The following PRKDC variants were observed in gnomAD, a reference collection of about 807,000 sequenced individuals.
PRKDC encodes protein kinase, DNA-activated, catalytic subunit, also known as DNA-dependent protein kinase catalytic subunit.
In PRKDC, 82 loss-of-function variants were observed where a neutral mutation model predicts 486.9. The observed-to-expected ratio is 0.17, with a 90% CI of 0.14 to 0.20. PRKDC has a LOEUF of 0.20. Among genes scored for constraint, PRKDC ranks in the 10% least tolerant of loss-of-function variants. The pLI is 1.00. For synonymous variants in PRKDC, 1,895 were observed against 1,837.0 expected (o/e 1.03, Z -0.81); for missense variants, 4,504 against 5,038.2 (o/e 0.89, Z 3.21).
chr8:47,947,196 T>G (rs2090548407), intron 7 of PRKDC, among the ~76,000 whole-genome samples: 1 of 152,144 alleles, frequency 6.6e-6, no homozygotes, highest in African/African-American at 2.4e-5. Flanking sequence ...CTGGAATGAC[T>G]GCTCTTCCCA....
intron 24 of PRKDC, among the ~76,000 whole-genome samples, 157 bp from the exon 25 acceptor site, chr8:47,912,719 GT>G (rs1451407154): frequency 6.6e-6 from 1 of 152,110 alleles, no homozygotes; most frequent in African/African-American, 2.4e-5. Context: ...AACATTTCTT[GT>G]TCTATAAAAC....
At chr8:47,863,309 ATATT>A in intron 42 of PRKDC, 86 bp downstream of exon 42, 1 of 1,092,944 alleles carries the variant, frequency 9.1e-7, no homozygotes, top group South Asian at 1.7e-5. Flanking sequence ...TCTAAATAAA[ATATT>A]TATTCACACT....
intron 63 of PRKDC, among the ~76,000 whole-genome samples, chr8:47,825,898 G>C (rs2087728827): frequency 6.6e-6 from 1 of 152,102 alleles, no homozygotes; most frequent in African/African-American, 2.4e-5. Flanking sequence ...TTTCCTACTA[G>C]ATTGCTAGTT....
In PRKDC at chr8:47,817,575, T is replaced by C. The variant is rs897539933; in HGVS notation, c.9446-14A>G. Reference sequence around the variant, plus strand: ...ATGATAAATTGCCTAAAAATAGTATTAGAGGGTGACTATACACACAGCTCA... The same window carrying C: ...ATGATAAATTGCCTAAAAATAGTATCAGAGGGTGACTATACACACAGCTCA... On this transcript the variant is annotated splice_polypyrimidine_tract_variant and intron_variant, in intron 67 of 85. Transcript: ENST00000314191. 9 of 1,488,298 alleles carry C rather than the reference T, an allele frequency of 6.0e-6. No individual in the cohort carries two copies. In the African/African-American group the frequency reaches 9.7e-5, roughly 16 times the overall value. 92.2% of individuals were successfully genotyped at this position (1,488,298 alleles called of 1,614,324 possible).
At chr8:47,806,482 C>A (rs964773809) in intron 69 of PRKDC, among the ~76,000 whole-genome samples, 1 of 152,160 alleles carries the variant, frequency 6.6e-6, no homozygotes, top group African/African-American at 2.4e-5. Flanking sequence ...TATAAATGAG[C>A]ATTTAAAGCT....
chr8:47,836,163 C>T (rs1200131002), intron 58 of PRKDC, among the ~76,000 whole-genome samples, 175 bp downstream of exon 58: 1 of 152,220 alleles, frequency 6.6e-6, no homozygotes, highest in Non-Finnish European at 1.5e-5. Flanking sequence ...TTTCTGTTTC[C>T]ATGAGTTTGA....
intron 48 of PRKDC, 133 bp from the exon 49 acceptor site, chr8:47,857,432 G>T: frequency 2.1e-6 from 2 of 971,852 alleles, no homozygotes; most frequent in Non-Finnish European, 2.9e-6. Flanking sequence ...AGGTAAGCAC[G>T]TTAAAGTGAA....
At chr8:47,937,457 C>A (rs1333817820) in intron 11 of PRKDC, among the ~76,000 whole-genome samples, 1 of 152,174 alleles carries the variant, frequency 6.6e-6, no homozygotes, top group Non-Finnish European at 1.5e-5. Context: ...ACAGGAGAGG[C>A]CAGGAGTCCA....
At chr8:47,949,807 A>T (rs2090598205) in intron 7 of PRKDC, among the ~76,000 whole-genome samples, 1 of 152,182 alleles carries the variant, frequency 6.6e-6, no homozygotes, top group Non-Finnish European at 1.5e-5. Context: ...GGGCTACTCT[A>T]ACAATCTTGA....
chr8:47,924,420 C>T (rs937247330), intron 21 of PRKDC, among the ~76,000 whole-genome samples: 11 of 151,990 alleles, frequency 7.2e-5, no homozygotes, highest in Admixed American at 3.3e-4. Flanking sequence ...ATTAGCTGGG[C>T]GTGGTGGTGC....
intron 48 of PRKDC, among the ~76,000 whole-genome samples, chr8:47,858,011 C>A (rs756752074): frequency 2.0e-5 from 3 of 152,130 alleles, no homozygotes; most frequent in Non-Finnish European, 4.4e-5. Flanking sequence ...CAGGGACCAC[C>A]CGTGCTATGC....
Position 47,863,378 on chromosome 8 carries a change from CA to C in PRKDC, c.5750+20del, listed in dbSNP as rs758102208. The C allele has an allele frequency of 2.6e-6, 4 of 1,557,846 alleles. No individual in the cohort carries two copies. The highest frequency in any genetic ancestry group is 1.4e-5 in the African/African-American group (1 of 72,706). The stretch of plus-strand genomic sequence containing the variant: ...AAGCATTGATAAATAAAATAGAATC[CA>C]AAATTAAGTAAAATCTTACTTAATC... On this transcript the variant is annotated intron_variant, in intron 42 of 85. Coordinates refer to ENST00000314191, the MANE Select transcript of PRKDC (RefSeq NM_006904.7).
At chr8:47,809,616 T>A (rs987522102) in intron 68 of PRKDC, among the ~76,000 whole-genome samples, 14 of 152,132 alleles carry the variant, frequency 9.2e-5, no homozygotes, top group African/African-American at 3.4e-4. Context: ...CTGCGTGACA[T>A]GTTCTCACAT....
rs1357922896 is a variant in PRKDC at position 47,955,010 on chromosome 8, C to T, written c.400-564G>A. 2.0e-5 allele frequency among the ~76,000 whole-genome samples: 3 copies of T among 151,528 alleles called. No individual in the cohort carries two copies. In the East Asian group the frequency reaches 5.8e-4, roughly 29 times the overall value. On this transcript the variant is annotated intron_variant, in intron 4 of 85. Transcript: ENST00000314191. ...CTCTACTAAAAATACAAAAATTAGC[C>T]AGGCATGGTGGCACATGCCTGTAAT...
chr8:47,935,148 G>A lies in PRKDC; in HGVS notation c.1448-90C>T, dbSNP rs2090327020. ...AAAAAACAAACAGTCATTATATTTT[G>A]GAACCCAACTTTACCTCTCAATTTA... On this transcript the variant is annotated intron_variant, in intron 13 of 85. Coordinates refer to ENST00000314191, the MANE Select transcript of PRKDC (RefSeq NM_006904.7). The A allele has an allele frequency of 1.1e-5, 10 of 919,384 alleles. No homozygotes were observed. In the South Asian group the frequency reaches 1.4e-4, roughly 13 times the overall value. The allele number at this position is 919,384 out of a possible 1,614,324, so 57.0% of individuals were successfully genotyped here.
In PRKDC at chr8:47,834,685, A is replaced by ACTT. The variant is rs200754946; in HGVS notation, c.7952-292_7952-290dup. ...TACTGAAAGGTGCTAAGAACCCCTG[A>ACTT]CTTTTTTTTTTTTTTTTTTTTTTGA... On this transcript the variant is annotated intron_variant, in intron 58 of 85. Coordinates refer to ENST00000314191, the MANE Select transcript of PRKDC (RefSeq NM_006904.7). Among the ~76,000 whole-genome samples, 25,394 of 133,468 alleles carry ACTT rather than the reference A, an allele frequency of 0.19. 4,993 individuals carry two copies. The highest frequency in any genetic ancestry group is 0.51 in the African/African-American group (16,800 of 32,792). 87.6% of individuals were successfully genotyped at this position (133,468 alleles called of 152,430 possible). A position where few individuals can be genotyped will look rare whatever the true frequency, so the allele number is the denominator to read the frequency against.
At chr8:47,895,551 T>C (rs1487238722) in intron 30 of PRKDC, among the ~76,000 whole-genome samples, 1 of 152,174 alleles carries the variant, frequency 6.6e-6, no homozygotes. Flanking sequence ...TGTGAGATAG[T>C]GGTCTGCCCA....
At chr8:47,917,228 C>G (rs1169130081) in intron 22 of PRKDC, among the ~76,000 whole-genome samples, 1 of 152,002 alleles carries the variant, frequency 6.6e-6, no homozygotes, top group African/African-American at 2.4e-5. Flanking sequence ...GCACTCCACC[C>G]TGGGTGACAA....
chr8:47,887,053 GAAGA>G (rs936029945), intron 35 of PRKDC, among the ~76,000 whole-genome samples: 21 of 152,300 alleles, frequency 1.4e-4, no homozygotes, highest in African/African-American at 4.8e-4. Flanking sequence ...TTCTGCTACA[GAAGA>G]AAGAAAGTTG....
Sources: allele counts gnomAD v4.1 joint callset (sites outside exome capture counted in the v4.1 genomes callset), GRCh38; gene constraint gnomAD v4.1.1; transcripts MANE v1.5; gene names NCBI Gene and HGNC (gene_info 2026-07-23, HGNC 2026-07-21).